Variants in CDH18 observed in about 807,000 individuals in gnomAD.
The protein encoded by CDH18 is cadherin 18.
In CDH18, 31 loss-of-function variants were observed where a neutral mutation model predicts 67.9. The ratio of observed to expected loss-of-function variants is 0.46; its 90% confidence interval spans 0.34 to 0.62. CDH18 has a LOEUF of 0.62. Ranked by LOEUF, CDH18 falls within the 20% of genes least tolerant of loss-of-function variation. The probability of loss-of-function intolerance (pLI) is 0.01; values close to 1 mark genes in which losing one functional copy is unlikely to be tolerated. For synonymous variants in CDH18, 362 were observed against 347.2 expected, an observed-to-expected ratio of 1.04 and a Z score of -0.48; for missense variants, 890 against 975.5, an observed-to-expected ratio of 0.91 and a Z score of 1.17.
chr5:20,231,392 C>G (rs1348767394), intron 2 of CDH18, among the ~76,000 whole-genome samples: 1 of 151,858 alleles, frequency 6.6e-6, no homozygotes, highest in Non-Finnish European at 1.5e-5. Context: ...GGCAGATCAC[C>G]TGAGGTCAGG....
chr5:19,859,552 T>C (rs1784660196), intron 2 of CDH18, among the ~76,000 whole-genome samples: 1 of 152,176 alleles, frequency 6.6e-6, no homozygotes, highest in South Asian at 2.1e-4. Context: ...TTAGGTCTGA[T>C]AAGAGCTCTG....
intron 1 of CDH18, among the ~76,000 whole-genome samples, chr5:20,540,987 T>G (rs961843953): frequency 3.3e-5 from 5 of 152,206 alleles, no homozygotes; most frequent in Admixed American, 6.5e-5. Flanking sequence ...GGAAGTTCTA[T>G]TCTCACACTC....
intron 4 of CDH18, among the ~76,000 whole-genome samples, chr5:19,730,045 G>A (rs1767388113): frequency 1.3e-5 from 2 of 151,886 alleles, no homozygotes; most frequent in Admixed American, 6.6e-5. Flanking sequence ...TGCTTTGGAT[G>A]ATGTCTCTGG....
chr5:20,566,665 G>T (rs1390515505), intron 1 of CDH18, among the ~76,000 whole-genome samples: 1 of 151,300 alleles, frequency 6.6e-6, no homozygotes, highest in African/African-American at 2.4e-5. Context: ...GTGAGCCACT[G>T]CACCCAGCCT....
chr5:19,713,686 A>G (rs1764999327), intron 5 of CDH18, among the ~76,000 whole-genome samples: 1 of 152,176 alleles, frequency 6.6e-6, no homozygotes, highest in Admixed American at 6.6e-5. Context: ...ACAATTATCT[A>G]ATAAATATGC....
intron 1 of CDH18, among the ~76,000 whole-genome samples, chr5:20,513,722 A>G (rs1025275679): frequency 2.6e-5 from 4 of 152,172 alleles, no homozygotes; most frequent in Non-Finnish European, 5.9e-5. Context: ...ATAAACATTC[A>G]TTGGAGAGGT....
At chr5:20,437,039 T>C (rs564462119) in intron 1 of CDH18, among the ~76,000 whole-genome samples, 11 of 149,190 alleles carry the variant, frequency 7.4e-5, no homozygotes, top group Non-Finnish European at 1.0e-4. Flanking sequence ...TTCCAGAAGA[T>C]ACAGAATATA....
At chr5:19,747,686 A>T (rs1355627054) in intron 3 of CDH18, among the ~76,000 whole-genome samples, 1 of 151,956 alleles carries the variant, frequency 6.6e-6, no homozygotes, top group Non-Finnish European at 1.5e-5. Flanking sequence ...TTGAGGTTCA[A>T]ATTAATTATT....
At chr5:20,534,659 G>T (rs1756607320) in intron 1 of CDH18, among the ~76,000 whole-genome samples, 1 of 151,868 alleles carries the variant, frequency 6.6e-6, no homozygotes, top group Non-Finnish European at 1.5e-5. Flanking sequence ...GAACTATGTA[G>T]CTCATATTTT....
At chr5:19,856,995 G>A (rs528299682) in intron 2 of CDH18, among the ~76,000 whole-genome samples, 2 of 152,132 alleles carry the variant, frequency 1.3e-5, no homozygotes, top group Non-Finnish European at 2.9e-5. Context: ...GGCTGAGGCA[G>A]AAGGATCACT....
chr5:19,769,508 A>T (rs1773491613), intron 3 of CDH18, among the ~76,000 whole-genome samples: 1 of 152,102 alleles, frequency 6.6e-6, no homozygotes, highest in African/African-American at 2.4e-5. Flanking sequence ...CTACTGAGAA[A>T]TTTTTTGCTA....
chr5:20,423,123 G>A (rs918149960), intron 1 of CDH18, among the ~76,000 whole-genome samples: 2 of 151,270 alleles, frequency 1.3e-5, no homozygotes, highest in Non-Finnish European at 2.9e-5. Context: ...ATGAATGGAC[G>A]TCTGTGCACT....
intron 3 of CDH18, among the ~76,000 whole-genome samples, chr5:19,821,983 T>G (rs1779922784): frequency 6.6e-6 from 1 of 152,050 alleles, no homozygotes; most frequent in African/African-American, 2.4e-5. Flanking sequence ...CAAGACAAAA[T>G]AATGATACCT....
chr5:19,824,622 T>C (rs1403563885), intron 3 of CDH18, among the ~76,000 whole-genome samples: 1 of 152,156 alleles, frequency 6.6e-6, no homozygotes, highest in East Asian at 1.9e-4. Flanking sequence ...ATATCCCCCG[T>C]AGAGGCCCCA....
At chr5:19,904,821 T>A (rs1002415355) in intron 2 of CDH18, among the ~76,000 whole-genome samples, 1 of 152,174 alleles carries the variant, frequency 6.6e-6, no homozygotes, top group Non-Finnish European at 1.5e-5. Context: ...CATATCTTCA[T>A]ATTGTGGGAA....
intron 5 of CDH18, among the ~76,000 whole-genome samples, chr5:19,706,286 T>G (rs1311472608): frequency 6.6e-6 from 1 of 152,256 alleles, no homozygotes; most frequent in East Asian, 1.9e-4. Context: ...GACTTTTGAC[T>G]GCAGGGAATC....
intron 2 of CDH18, among the ~76,000 whole-genome samples, chr5:19,978,505 C>A: frequency 6.6e-6 from 1 of 151,938 alleles, no homozygotes; most frequent in East Asian, 1.9e-4. Flanking sequence ...TTTCCCATTG[C>A]CAGAAAGCAC....
intron 1 of CDH18, among the ~76,000 whole-genome samples, chr5:20,499,403 C>A (rs1482610379): frequency 6.6e-6 from 1 of 150,902 alleles, no homozygotes; most frequent in African/African-American, 2.4e-5. Context: ...ATTTTTTATT[C>A]TTTTCTAAAT....
intron 4 of CDH18, among the ~76,000 whole-genome samples, chr5:19,726,466 A>T (rs111986100): frequency 7.2e-4 from 109 of 152,284 alleles, no homozygotes; most frequent in African/African-American, 2.5e-3. Context: ...CACTTTGAGT[A>T]CACAGATTGC....
Sources: allele counts gnomAD v4.1 joint callset (sites outside exome capture counted in the v4.1 genomes callset), GRCh38; gene constraint gnomAD v4.1.1; transcripts MANE v1.5; gene names NCBI Gene and HGNC (gene_info 2026-07-23, HGNC 2026-07-21).